Variants in B3GLCT observed in about 807,000 individuals in gnomAD.
B3GLCT encodes the protein beta 3-glucosyltransferase.
In B3GLCT, 65 loss-of-function variants were observed where a neutral mutation model predicts 63.4. The ratio of observed to expected loss-of-function variants is 1.03; its 90% confidence interval spans 0.84 to 1.26. The LOEUF (loss-of-function observed/expected upper bound fraction) is 1.26. Among genes scored for constraint, B3GLCT ranks in the 50% most tolerant of loss-of-function variants. The pLI is 0.00. For missense variants in B3GLCT, 577 were observed against 604.8 expected (o/e 0.95, Z 0.48); for synonymous variants, 233 against 219.2 (o/e 1.06, Z -0.55).
intron 6 of B3GLCT, among the ~76,000 whole-genome samples, chr13:31,259,784 G>T (rs866332233): frequency 1.3e-5 from 2 of 151,532 alleles, no homozygotes; most frequent in African/African-American, 2.4e-5. Context: ...CTAATTCTGA[G>T]ATCTTAGTCC....
intron 6 of B3GLCT, among the ~76,000 whole-genome samples, chr13:31,255,170 G>C (rs888135542): frequency 5.3e-5 from 8 of 151,952 alleles, no homozygotes; most frequent in African/African-American, 1.2e-4. Flanking sequence ...AACAGACAGA[G>C]AGCCAAATCA....
At chr13:31,326,280 T>TA in intron 14 of B3GLCT, among the ~76,000 whole-genome samples, 1 of 129,468 alleles carries the variant, frequency 7.7e-6, no homozygotes, top group African/African-American at 2.9e-5. Context: ...TTTCCCTTTT[T>TA]TTTTTTTTTT....
chr13:31,222,536 T>A (rs565076930), intron 2 of B3GLCT, among the ~76,000 whole-genome samples: 1 of 152,364 alleles, frequency 6.6e-6, no homozygotes, highest in East Asian at 1.9e-4. Context: ...TAGTAGAACT[T>A]ATCTTCATGA....
At chr13:31,245,739 C>T (rs1871171091) in intron 4 of B3GLCT, among the ~76,000 whole-genome samples, 2 of 152,246 alleles carry the variant, frequency 1.3e-5, no homozygotes, top group South Asian at 4.1e-4. Flanking sequence ...TTTCTTTACA[C>T]ATGATTTTCT....
intron 1 of B3GLCT, among the ~76,000 whole-genome samples, chr13:31,211,668 AG>A (rs1566041277): frequency 1.3e-5 from 2 of 151,940 alleles, no homozygotes; most frequent in African/African-American, 4.8e-5. Flanking sequence ...AACTTAGCTC[AG>A]TTAAGCTTTG....
chr13:31,209,266 AG>A (rs1869139732), intron 1 of B3GLCT, among the ~76,000 whole-genome samples: 1 of 152,174 alleles, frequency 6.6e-6, no homozygotes. Flanking sequence ...GCTGGGCTGC[AG>A]GGGTGTTTGT....
intron 6 of B3GLCT, among the ~76,000 whole-genome samples, chr13:31,251,913 C>T (rs531124050): frequency 2.0e-4 from 30 of 152,046 alleles, no homozygotes; most frequent in East Asian, 5.8e-4. Context: ...GACACATAGT[C>T]GTCAGATTCA....
chr13:31,214,686 T>C (rs1386475294), intron 1 of B3GLCT, among the ~76,000 whole-genome samples: 2 of 152,252 alleles, frequency 1.3e-5, no homozygotes, highest in Non-Finnish European at 2.9e-5. Flanking sequence ...TCCTGGATTC[T>C]CAGGAATTCC....
rs142729853 is a variant in B3GLCT, at chr13:31,298,198, G to A, written c.1064+11379G>A. 1.0e-3 allele frequency among the ~76,000 whole-genome samples: 159 copies of A among 152,292 alleles called. 2 individuals are homozygous for A. The East Asian group carries it at 0.011, about 11-fold the overall frequency. ...CCTACAAAAAGATAGCAATTTGGACGTTCCAAAGATTTTAGGATTGGTATG... is the reference window on the plus strand; with the variant it reads ...CCTACAAAAAGATAGCAATTTGGACATTCCAAAGATTTTAGGATTGGTATG... On this transcript the variant is annotated intron_variant, in intron 12 of 14. Transcript: ENST00000343307.
At chr13:31,300,145 C>G (rs1448443178) in intron 12 of B3GLCT, among the ~76,000 whole-genome samples, 1 of 152,154 alleles carries the variant, frequency 6.6e-6, no homozygotes, top group Non-Finnish European at 1.5e-5. Context: ...TCAAGAGCTG[C>G]TTACAGGGTA....
intron 4 of B3GLCT, among the ~76,000 whole-genome samples, chr13:31,230,156 G>A (rs2137080): frequency 0.61 from 93,352 of 151,898 alleles, 30,225 homozygotes; most frequent in Middle Eastern, 0.75. Flanking sequence ...AAAAATCTAC[G>A]CATATAGGTA....
At chr13:31,244,529 A>G (rs1303332118) in intron 4 of B3GLCT, among the ~76,000 whole-genome samples, 4 of 152,160 alleles carry the variant, frequency 2.6e-5, no homozygotes, top group African/African-American at 7.2e-5. Flanking sequence ...GAATCTAAAA[A>G]TGGTATCATT....
intron 12 of B3GLCT, among the ~76,000 whole-genome samples, chr13:31,310,176 G>A (rs573904274): frequency 3.4e-4 from 52 of 152,164 alleles, no homozygotes; most frequent in African/African-American, 1.1e-3. Flanking sequence ...CACACTCCCC[G>A]ATCCTGAGCC....
intron 7 of B3GLCT, among the ~76,000 whole-genome samples, chr13:31,264,323 A>G (rs1872187922): frequency 6.6e-6 from 1 of 151,930 alleles, no homozygotes; most frequent in South Asian, 2.1e-4. Context: ...CTTCCCCGTG[A>G]CTCCAGTATG....
intron 10 of B3GLCT, among the ~76,000 whole-genome samples, chr13:31,282,909 TCTA>T (rs1220531630): frequency 6.6e-6 from 1 of 152,204 alleles, no homozygotes; most frequent in African/African-American, 2.4e-5. Flanking sequence ...TTATTGAGTG[TCTA>T]CTATGTCCTA....
At chr13:31,328,692 CAAAAAAAAAAA>C (rs34729471) in intron 14 of B3GLCT, among the ~76,000 whole-genome samples, 2 of 45,444 alleles carry the variant, frequency 4.4e-5, no homozygotes, top group Non-Finnish European at 3.6e-5. Context: ...AACTCCATCT[CAAAAAAAAAAA>C]AAAAAAAAAA....
chr13:31,212,680 G>T (rs979520547), intron 1 of B3GLCT, among the ~76,000 whole-genome samples: 1 of 152,166 alleles, frequency 6.6e-6, no homozygotes, highest in Admixed American at 6.5e-5. Context: ...GAAGTGCTGG[G>T]ATTACACAGA....
chr13:31,320,079 C>T (rs530120712), intron 13 of B3GLCT, among the ~76,000 whole-genome samples: 2 of 152,278 alleles, frequency 1.3e-5, no homozygotes, highest in East Asian at 1.9e-4. Flanking sequence ...GCCTCCTGTT[C>T]CCCCTACTTT....
At chr13:31,275,228 G>A (rs999859191) in intron 9 of B3GLCT, among the ~76,000 whole-genome samples, 4 of 152,172 alleles carry the variant, frequency 2.6e-5, no homozygotes, top group Non-Finnish European at 5.9e-5. Context: ...CATGACTCTA[G>A]TAATAACAAT....
Sources: gnomAD v4.1 joint callset for allele counts (sites outside exome capture counted in the v4.1 genomes callset) on GRCh38, gnomAD v4.1.1 for gene constraint, MANE v1.5 for transcripts, NCBI Gene and HGNC (gene_info 2026-07-23, HGNC 2026-07-21) for gene names.